Variants in CHD9 observed in about 807,000 individuals in gnomAD.
CHD9 encodes ATP-dependent chromatin remodeler CHD9.
In CHD9, 77 loss-of-function variants were observed where a neutral mutation model predicts 316.1. The observed-to-expected ratio is 0.24, with a 90% CI of 0.20 to 0.29. CHD9 has a LOEUF of 0.29. Ranked by LOEUF, CHD9 falls within the 10% of genes least tolerant of loss-of-function variation. CHD9 has a pLI of 1.00. For missense variants in CHD9, 2,763 were observed against 3,438.1 expected, an observed-to-expected ratio of 0.80 and a Z score of 4.91; for synonymous variants, 1,129 against 1,158.3, an observed-to-expected ratio of 0.97 and a Z score of 0.51.
rs150304381 is a variant in CHD9, at chr16:53,301,255, A to G, written c.5714-2465A>G. ...AGCCTTTTGGCTAAGATCAAATGTA[A>G]AGTAGATTTCATATTAATGCTTTGT... On this transcript the variant is annotated intron_variant, in intron 30 of 38. Coordinates refer to ENST00000447540, the MANE Select transcript of CHD9 (RefSeq NM_001308319.2). Among the ~76,000 whole-genome samples, 8 of 152,226 alleles carry G rather than the reference A, an allele frequency of 5.3e-5. No individual in the cohort carries two copies. In the East Asian group the frequency reaches 1.4e-3, roughly 26 times the overall value.
chr16:53,305,994 G>A (rs1278512859), intron 31 of CHD9, among the ~76,000 whole-genome samples: 3 of 152,272 alleles, frequency 2.0e-5, no homozygotes, highest in South Asian at 4.1e-4. Context: ...AGAAGCTGAG[G>A]CAGGAGTATT....
At position 53,286,326 on chromosome 16, in the gene CHD9, G is replaced by A. The variant is rs772258753; in HGVS notation, c.5172G>A (p.Ala1724=). The A allele has an allele frequency of 3.9e-5, 62 of 1,601,778 alleles. No homozygotes were observed. The highest frequency in any genetic ancestry group is 2.2e-4 in the East Asian group (10 of 44,780). ...DEKAVAAEQR[A]NDYMDGDVED... is the part of the protein sequence containing the mutation. Reference sequence around the variant, plus strand: ...AAGCAGTTGCTGCTGAACAGAGAGCGAATGATTATATGGATGGGTATGTGT... The same window carrying A: ...AAGCAGTTGCTGCTGAACAGAGAGCAAATGATTATATGGATGGGTATGTGT... The change falls in exon 26 of 39, where the codon GCG becomes GCA. Residue 1724 remains alanine (A), a synonymous_variant. Coordinates refer to ENST00000447540, the MANE Select transcript of CHD9 (RefSeq NM_001308319.2).
At chr16:53,212,991 G>T (rs982812090) in intron 3 of CHD9, among the ~76,000 whole-genome samples, 4 of 152,062 alleles carry the variant, frequency 2.6e-5, no homozygotes, top group Non-Finnish European at 2.9e-5. Flanking sequence ...AAAAGCCAAG[G>T]CCAGGAGCCA....
chr16:53,064,853 C>T (rs957684862), intron 1 of CHD9, among the ~76,000 whole-genome samples: 7 of 152,194 alleles, frequency 4.6e-5, no homozygotes, highest in African/African-American at 1.7e-4. Context: ...CCTGTAATCA[C>T]AGCTACTTGG....
chr16:53,265,848 CAT>C (rs10553462), intron 20 of CHD9, among the ~76,000 whole-genome samples: 42,116 of 151,556 alleles, frequency 0.28, 5,901 homozygotes, highest in Middle Eastern at 0.31. Context: ...TTGTAGCAGA[CAT>C]GTGTATGAAA....
chr16:53,238,204 C>G, intron 11 of CHD9, 139 bp from the exon 12 acceptor site: 1 of 708,960 alleles, frequency 1.4e-6, no homozygotes, highest in Non-Finnish European at 2.2e-6. Context: ...AATCTTAAGC[C>G]TACCCTGCAC....
rs757513307 is a variant in CHD9, at chr16:53,270,161, AT to A, written c.4717+2058del. On this transcript the variant is annotated intron_variant, in intron 22 of 38. Coordinates refer to ENST00000447540, the MANE Select transcript of CHD9 (RefSeq NM_001308319.2). ...AGGCGTGTACCATCACACCTGGCTA[AT>A]TTTTTTTTTTTTTTTTTTTTTTAGA... Among the ~76,000 whole-genome samples, 688 of 118,590 alleles carry A rather than the reference AT, an allele frequency of 5.8e-3. 8 individuals carry two copies. Among genetic ancestry groups the A allele is most frequent in the East Asian group, 0.014 (60 of 4,150 alleles). 77.8% of individuals were successfully genotyped at this position (118,590 alleles called of 152,430 possible). A position where few individuals can be genotyped will look rare whatever the true frequency, so the allele number is the denominator to read the frequency against.
intron 17 of CHD9, 116 bp downstream of exon 17, chr16:53,250,182 A>G (rs1189095100): frequency 6.0e-6 from 4 of 665,882 alleles, no homozygotes; most frequent in Non-Finnish European, 5.0e-6. Flanking sequence ...ATGTTTCTCT[A>G]TGAAATATCT....
At chr16:53,223,559 A>G (rs2047413228) in intron 4 of CHD9, 1 of 152,560 alleles carries the variant, frequency 6.6e-6, no homozygotes, top group African/African-American at 2.4e-5. Context: ...CTTTTTCATC[A>G]TATGTTATCC....
At chr16:53,212,166 C>T (rs2046380941) in intron 3 of CHD9, among the ~76,000 whole-genome samples, 1 of 152,054 alleles carries the variant, frequency 6.6e-6, no homozygotes, top group Non-Finnish European at 1.5e-5. Flanking sequence ...CTTTGGGAGG[C>T]CGAGGCGGGC....
Position 53,215,955 on chromosome 16 carries a change from A to C in CHD9, c.1784+6142A>C, listed in dbSNP as rs566756788. Reference sequence around the variant, plus strand: ...TTTGAAATTGCCCTTTGCTGTCAGAAACATCCTATGTTTTGATATTTAGGT... The same window carrying C: ...TTTGAAATTGCCCTTTGCTGTCAGACACATCCTATGTTTTGATATTTAGGT... On this transcript the variant is annotated intron_variant, in intron 3 of 38. Coordinates refer to ENST00000447540, the MANE Select transcript of CHD9 (RefSeq NM_001308319.2). Among the ~76,000 whole-genome samples the C allele has an allele frequency of 5.3e-5, 8 of 152,318 alleles. No individual in the cohort carries two copies. The South Asian group carries it at 1.7e-3, about 32-fold the overall frequency.
chr16:53,131,641 C>G (rs1400176872), intron 1 of CHD9, among the ~76,000 whole-genome samples: 1 of 151,798 alleles, frequency 6.6e-6, no homozygotes, highest in African/African-American at 2.4e-5. Context: ...TTCCCCGTCC[C>G]GCGCGAGGTC....
chr16:53,322,662 T>C (rs928393295), intron 38 of CHD9, among the ~76,000 whole-genome samples: 1 of 151,890 alleles, frequency 6.6e-6, no homozygotes. Context: ...TTAAAATCAG[T>C]AGTATTTAAG....
intron 36 of CHD9, among the ~76,000 whole-genome samples, chr16:53,315,492 T>A (rs2056809834): frequency 6.6e-6 from 1 of 152,220 alleles, no homozygotes. Context: ...GTTTTTTGTT[T>A]TTTTGAGACA....
At chr16:53,171,761 G>A (rs2042742015) in intron 2 of CHD9, among the ~76,000 whole-genome samples, 2 of 151,686 alleles carry the variant, frequency 1.3e-5, no homozygotes, top group African/African-American at 2.4e-5. Context: ...CTGAGTTGGA[G>A]GATTACTTGA....
At chr16:53,111,414 G>T (rs2152616840) in intron 1 of CHD9, among the ~76,000 whole-genome samples, 1 of 152,278 alleles carries the variant, frequency 6.6e-6, no homozygotes, top group East Asian at 1.9e-4. Flanking sequence ...TTTCAAGAAA[G>T]AATTTCCTCA....
intron 20 of CHD9, 80 bp from the exon 21 acceptor site, chr16:53,267,214 T>A: frequency 1.2e-6 from 1 of 835,112 alleles, no homozygotes; most frequent in Non-Finnish European, 1.7e-6. Flanking sequence ...AATTATTGTT[T>A]GTATAAGGTA....
intron 1 of CHD9, among the ~76,000 whole-genome samples, chr16:53,141,634 G>A (rs1450900192): frequency 2.6e-5 from 4 of 152,114 alleles, no homozygotes; most frequent in African/African-American, 7.2e-5. Context: ...TCCTGAAAGC[G>A]TATGAGTATT....
intron 24 of CHD9, among the ~76,000 whole-genome samples, chr16:53,279,318 C>T (rs1047172668): frequency 6.6e-5 from 10 of 151,310 alleles, no homozygotes; most frequent in African/African-American, 2.4e-4. Context: ...AATGAGAACA[C>T]TTGGACACAG....
Sources: allele counts gnomAD v4.1 joint callset (sites outside exome capture counted in the v4.1 genomes callset), GRCh38; gene constraint gnomAD v4.1.1; transcripts MANE v1.5; gene names NCBI Gene and HGNC (gene_info 2026-07-23, HGNC 2026-07-21).